GRHL2: variants seen among roughly 807,000 people sequenced by gnomAD.
GRHL2 encodes the protein grainyhead like transcription factor 2.
A neutral mutation model predicts 83.8 loss-of-function variants in GRHL2; 21 were observed. The ratio of observed to expected loss-of-function variants is 0.25; its 90% CI spans 0.18 to 0.36. The LOEUF (loss-of-function observed/expected upper bound fraction) is 0.36. Among genes scored for constraint, GRHL2 ranks in the 10% least tolerant of loss-of-function variants. The probability of loss-of-function intolerance (pLI) is 1.00; values close to 1 mark genes in which losing one functional copy is unlikely to be tolerated. For synonymous variants in GRHL2, 280 were observed against 278.9 expected (o/e 1.00, Z -0.04); for missense variants, 623 against 781.8 (o/e 0.80, Z 2.42).
In GRHL2 at chr8:101,492,604, C is replaced by G. The variant is rs774615041; in HGVS notation, c.-166C>G. 4 of 724,502 alleles carry G rather than the reference C, an allele frequency of 5.5e-6. No homozygotes were observed. Among genetic ancestry groups the G allele is most frequent in the Non-Finnish European group, 7.6e-6 (3 of 392,882 alleles). The allele number at this position is 724,502 out of a possible 1,614,324, so 44.9% of individuals were successfully genotyped here. On this transcript the variant is annotated 5_prime_UTR_variant, in exon 1 of 16. Coordinates refer to ENST00000646743, the MANE Select transcript of GRHL2 (RefSeq NM_024915.4). ...CCGGCTAGGTGAGGGCGCGAGCGGG[C>G]GAGCGAGCGAGAGTGGTGAGGGGGG...
chr8:101,579,785 C>T lies in GRHL2; in HGVS notation c.1003+2266C>T, dbSNP rs142048828. Among the ~76,000 whole-genome samples the T allele has an allele frequency of 2.2e-4, 34 of 152,240 alleles. No individual in the cohort carries two copies. The South Asian group carries it at 2.7e-3, about 12-fold the overall frequency. ...TGGCACATATGTCTGCCTGTTGCAC[C>T]GTCATCTGCTTTAACTCTGGAGTGT... On this transcript the variant is annotated intron_variant, in intron 7 of 15. Transcript: ENST00000646743.
At chr8:101,529,122 T>C (rs182135415) in intron 1 of GRHL2, 94 of 361,438 alleles carry the variant, frequency 2.6e-4, no homozygotes, top group African/African-American at 1.9e-3. Context: ...TCTTCCTCTG[T>C]TTCATCTCCC....
chr8:101,505,024 G>A (rs1484727590), intron 1 of GRHL2, among the ~76,000 whole-genome samples: 1 of 151,576 alleles, frequency 6.6e-6, no homozygotes. Context: ...CAAAAAAAAG[G>A]TGGAAATGAA....
chr8:101,561,869 G>A (rs373058518), intron 4 of GRHL2: 2 of 412,736 alleles, frequency 4.8e-6, no homozygotes, highest in South Asian at 2.3e-5. Flanking sequence ...TTTGTAGATG[G>A]CAATGTAGGA....
chr8:101,494,167 C>T (rs909546631), intron 1 of GRHL2, among the ~76,000 whole-genome samples: 13 of 152,232 alleles, frequency 8.5e-5, no homozygotes, highest in African/African-American at 3.1e-4. Flanking sequence ...AGGCCGCGGG[C>T]CGCTGGGCCT....
At chr8:101,562,363 C>A (rs1811624869) in intron 4 of GRHL2, 1 of 676,508 alleles carries the variant, frequency 1.5e-6, no homozygotes. Flanking sequence ...GATTGTGCTT[C>A]TTTTTAAAGT....
chr8:101,628,577 T>A (rs1813125154), intron 9 of GRHL2, among the ~76,000 whole-genome samples: 1 of 152,132 alleles, frequency 6.6e-6, no homozygotes, highest in Admixed American at 6.6e-5. Flanking sequence ...GTCTTTTTAT[T>A]TAAGAAATAT....
Position 101,575,086 on chromosome 8 carries a change from G to A in GRHL2, c.891+1262G>A, listed in dbSNP as rs551291463. ...AGGTTGTGCTGTGTTGAGCAGCATG[G>A]AGGGCTGAAGGCAGGGAAATGTTAG... On this transcript the variant is annotated intron_variant, in intron 6 of 15. Coordinates refer to ENST00000646743, the MANE Select transcript of GRHL2 (RefSeq NM_024915.4). 3.2e-3 allele frequency among the ~76,000 whole-genome samples: 489 copies of A among 152,324 alleles called. 1 individual carries two copies. Among genetic ancestry groups the A allele is most frequent in the Middle Eastern group, 0.02 (6 of 294 alleles).
chr8:101,568,148 T>C (rs1286280494), intron 4 of GRHL2, among the ~76,000 whole-genome samples: 2 of 152,272 alleles, frequency 1.3e-5, no homozygotes, highest in African/African-American at 4.8e-5. Context: ...AATGTAGTAC[T>C]TGAAATGTGG....
At chr8:101,546,673 T>C (rs533781266) in intron 2 of GRHL2, among the ~76,000 whole-genome samples, 1 of 152,164 alleles carries the variant, frequency 6.6e-6, no homozygotes, top group South Asian at 2.1e-4. Context: ...GCCTTGACCT[T>C]CCAAAGTGCT....
intron 1 of GRHL2, among the ~76,000 whole-genome samples, chr8:101,521,152 G>A (rs962495478): frequency 6.6e-6 from 1 of 151,948 alleles, no homozygotes; most frequent in Admixed American, 6.5e-5. Context: ...GAGTGAAGAA[G>A]AGAGGGAGGA....
chr8:101,515,743 G>A (rs916938857), intron 1 of GRHL2, among the ~76,000 whole-genome samples: 3 of 152,116 alleles, frequency 2.0e-5, no homozygotes, highest in East Asian at 1.9e-4. Context: ...CCTCTCTGGC[G>A]AGTTTCCCAT....
chr8:101,678,867 G>A, the GRHL2 span, among the ~76,000 whole-genome samples: 102 of 146,190 alleles, frequency 7.0e-4, 1 homozygote, highest in Non-Finnish European at 7.7e-4. Context: ...TGAGGGTCCT[G>A]TCTGTTAGAA....
chr8:101,585,469 T>C lies in GRHL2; in HGVS notation c.1003+7950T>C, dbSNP rs1034210542. ...TGAGAATTAAGGCTGTAGTTGGAGCTCAGTCAGAAGAGCGAGCTCCATCCC... is the reference window on the plus strand; with the variant it reads ...TGAGAATTAAGGCTGTAGTTGGAGCCCAGTCAGAAGAGCGAGCTCCATCCC... On this transcript the variant is annotated intron_variant, in intron 7 of 15. Coordinates refer to ENST00000646743, the MANE Select transcript of GRHL2 (RefSeq NM_024915.4). Among the ~76,000 whole-genome samples the C allele has an allele frequency of 4.5e-4, 69 of 152,096 alleles. 3 individuals carry two copies. The highest frequency in any genetic ancestry group is 4.5e-3 in the Admixed American group (69 of 15,274).
At position 101,668,358 on chromosome 8, in the gene GRHL2, G is replaced by C. The variant is rs986819250; in HGVS notation, c.*1655G>C. The stretch of plus-strand genomic sequence containing the variant: ...GGCCCGCTCTCTAAGGGCTTCCTGC[G>C]CTCCCACCTCATCTGTCCCTGAGAT... On this transcript the variant is annotated 3_prime_UTR_variant, in exon 16 of 16. Transcript: ENST00000646743. The C allele has an allele frequency of 6.6e-6, 1 of 152,634 alleles. No homozygotes were observed. The highest frequency in any genetic ancestry group is 6.5e-5 in the Admixed American group (1 of 15,284). The allele number at this position is 152,634 out of a possible 1,614,324, so 9.5% of individuals were successfully genotyped here. A position where few individuals can be genotyped will look rare whatever the true frequency, so the allele number is the denominator to read the frequency against.
At chr8:101,656,657 C>T (rs1813791618) in intron 14 of GRHL2, among the ~76,000 whole-genome samples, 1 of 152,078 alleles carries the variant, frequency 6.6e-6, no homozygotes, top group South Asian at 2.1e-4. Flanking sequence ...GTTACTCAAC[C>T]TCTCTACACT....
At chr8:101,521,168 T>G (rs1027854480) in intron 1 of GRHL2, among the ~76,000 whole-genome samples, 3 of 152,162 alleles carry the variant, frequency 2.0e-5, no homozygotes, top group African/African-American at 7.2e-5. Flanking sequence ...GAGGAAATGT[T>G]GAGCAGAAGC....
intron 1 of GRHL2, among the ~76,000 whole-genome samples, chr8:101,497,310 A>G (rs1349245272): frequency 1.3e-5 from 2 of 152,220 alleles, no homozygotes; most frequent in Admixed American, 1.3e-4. Context: ...CCTTAACATT[A>G]GGCTTGTGCA....
intron 8 of GRHL2, among the ~76,000 whole-genome samples, chr8:101,601,977 A>T (rs909282446): frequency 1.3e-5 from 2 of 151,946 alleles, no homozygotes; most frequent in African/African-American, 4.8e-5. Context: ...TCCCTCCCCT[A>T]GGCCCCCACC....
Sources: allele counts gnomAD v4.1 joint callset (sites outside exome capture counted in the v4.1 genomes callset), GRCh38; gene constraint gnomAD v4.1.1; transcripts MANE v1.5; gene names NCBI Gene and HGNC (gene_info 2026-07-23, HGNC 2026-07-21).